The following FOXP2 variants were observed in gnomAD, a reference collection of about 807,000 sequenced individuals.
FOXP2 encodes the protein forkhead box protein P2.
In FOXP2, 12 loss-of-function variants were observed where a neutral mutation model predicts 115.8. The ratio of observed to expected loss-of-function variants is 0.10; its 90% CI spans 0.07 to 0.17. The LOEUF is 0.17. Ranked by LOEUF, FOXP2 falls within the 10% of genes least tolerant of loss-of-function variation. FOXP2 has a pLI of 1.00. For missense variants in FOXP2, 629 were observed against 843.5 expected (o/e 0.75, Z 3.15); for synonymous variants, 328 against 297.7 (o/e 1.10, Z -1.05).
chr7:114,372,629 T>C (rs1792041614), intron 2 of FOXP2, among the ~76,000 whole-genome samples: 1 of 152,242 alleles, frequency 6.6e-6, no homozygotes, highest in Admixed American at 6.5e-5. Context: ...AAGCAACTTC[T>C]CACAAAATTA....
intron 1 of FOXP2, among the ~76,000 whole-genome samples, chr7:114,120,791 T>G (rs1791542741): frequency 6.6e-6 from 1 of 151,984 alleles, no homozygotes; most frequent in African/African-American, 2.4e-5. Context: ...AATTTACATT[T>G]TACAAAGGAA....
At chr7:114,133,250 G>A (rs2129145721) in intron 1 of FOXP2, among the ~76,000 whole-genome samples, 1 of 152,310 alleles carries the variant, frequency 6.6e-6, no homozygotes, top group Non-Finnish European at 1.5e-5. Flanking sequence ...CTTTTTCTGA[G>A]ATGGGTAAGA....
intron 1 of FOXP2, among the ~76,000 whole-genome samples, chr7:114,126,216 A>G (rs918255849): frequency 6.9e-4 from 6 of 8,756 alleles, no homozygotes; most frequent in Non-Finnish European, 4.8e-3. Context: ...TATGGTGTAG[A>G]TGGCACTTGA....
At chr7:114,489,422 A>T (rs1796932637) in intron 2 of FOXP2, among the ~76,000 whole-genome samples, 1 of 152,104 alleles carries the variant, frequency 6.6e-6, no homozygotes. Flanking sequence ...AGTTAGCCAG[A>T]GGTAGTCTGA....
chr7:114,334,937 A>ATATATATATTTTATATATATAGAAATC (rs1797810173), intron 2 of FOXP2, among the ~76,000 whole-genome samples: 5 of 142,082 alleles, frequency 3.5e-5, no homozygotes, highest in African/African-American at 1.0e-4. Flanking sequence ...AAATCTATAT[A>ATATATATATTTTATATATATAGAAATC]TATATATATA....
intron 2 of FOXP2, among the ~76,000 whole-genome samples, chr7:114,324,161 T>C (rs1797498534): frequency 6.6e-6 from 1 of 151,906 alleles, no homozygotes; most frequent in South Asian, 2.1e-4. Flanking sequence ...ATTCTCCCAG[T>C]ACAATGTCTT....
intron 2 of FOXP2, among the ~76,000 whole-genome samples, chr7:114,500,689 C>G (rs905102656): frequency 6.6e-6 from 1 of 152,070 alleles, no homozygotes; most frequent in Admixed American, 6.6e-5. Flanking sequence ...TAATACAGCT[C>G]TTTAGTGGTA....
chr7:114,265,023 G>A (rs898179111), intron 1 of FOXP2, among the ~76,000 whole-genome samples: 2 of 152,074 alleles, frequency 1.3e-5, no homozygotes, highest in African/African-American at 4.8e-5. Flanking sequence ...TGAGATTTGG[G>A]CAGGGCATCC....
At chr7:114,624,686 A>G (rs897455235) in intron 3 of FOXP2, among the ~76,000 whole-genome samples, 3 of 151,748 alleles carry the variant, frequency 2.0e-5, no homozygotes, top group African/African-American at 7.2e-5. Flanking sequence ...CAGAGATATG[A>G]TCTTTGCATT....
At chr7:114,539,930 C>T (rs1251503239) in intron 3 of FOXP2, among the ~76,000 whole-genome samples, 1 of 151,986 alleles carries the variant, frequency 6.6e-6, no homozygotes, top group Admixed American at 6.6e-5. Context: ...TCTTTGGAGC[C>T]TGTTTCCTCA....
chr7:114,341,311 T>C (rs1434640248), intron 2 of FOXP2, among the ~76,000 whole-genome samples: 1 of 151,220 alleles, frequency 6.6e-6, no homozygotes, highest in African/African-American at 2.4e-5. Flanking sequence ...TCGTCTTTAT[T>C]TTTCAGTTGC....
chr7:114,502,816 G>A (rs914029307), intron 2 of FOXP2, among the ~76,000 whole-genome samples: 1 of 151,996 alleles, frequency 6.6e-6, no homozygotes, highest in African/African-American at 2.4e-5. Context: ...TACAGTGGCA[G>A]AAAGTTAATA....
At chr7:114,486,409 T>C (rs1325365544) in intron 2 of FOXP2, among the ~76,000 whole-genome samples, 1 of 152,154 alleles carries the variant, frequency 6.6e-6, no homozygotes, top group East Asian at 1.9e-4. Flanking sequence ...CACTTGGGGA[T>C]TATGGAAGCT....
Position 114,675,905 on chromosome 7 carries a change from T to TATC in FOXP2, c.2003+11471_2003+11472insCAT, listed in dbSNP as rs199965048. On this transcript the variant is annotated intron_variant, in intron 16 of 16. Coordinates refer to ENST00000350908, the MANE Select transcript of FOXP2 (RefSeq NM_014491.4). ...ACACATTTTCTTTATTTTATTTTAT[T>TATC]ATTATTATTATTATTATTTTTTGAG... is the stretch of plus-strand genomic sequence containing the variant. Among the ~76,000 whole-genome samples the TATC allele has an allele frequency of 9.4e-3, 1,422 of 150,758 alleles. 16 individuals carry two copies. The highest frequency in any genetic ancestry group is 0.033 in the African/African-American group (1,344 of 41,348).
At chr7:114,534,118 A>G (rs1166843104) in intron 2 of FOXP2, among the ~76,000 whole-genome samples, 1 of 151,848 alleles carries the variant, frequency 6.6e-6, no homozygotes, top group Non-Finnish European at 1.5e-5. Flanking sequence ...TTGAATTGTA[A>G]GTACAAAAAA....
chr7:114,130,608 A>C (rs1223965867), intron 1 of FOXP2, among the ~76,000 whole-genome samples: 1 of 152,222 alleles, frequency 6.6e-6, no homozygotes, highest in Non-Finnish European at 1.5e-5. Context: ...AGAACATTTA[A>C]ATTCTAGTCA....
intron 2 of FOXP2, among the ~76,000 whole-genome samples, chr7:114,430,313 C>A (rs1794048379): frequency 6.6e-6 from 1 of 151,256 alleles, no homozygotes; most frequent in African/African-American, 2.4e-5. Flanking sequence ...AATGAAATAC[C>A]AAGAATGAAA....
intron 1 of FOXP2, among the ~76,000 whole-genome samples, chr7:114,105,527 A>T (rs1317246794): frequency 6.6e-6 from 1 of 152,052 alleles, no homozygotes; most frequent in Non-Finnish European, 1.5e-5. Flanking sequence ...GGTTGATGCT[A>T]ACTAGTTCAT....
intron 1 of FOXP2, among the ~76,000 whole-genome samples, chr7:114,101,203 G>A (rs187192259): frequency 1.7e-4 from 26 of 152,260 alleles, no homozygotes; most frequent in African/African-American, 5.5e-4. Flanking sequence ...AGTCTTTTAT[G>A]ATGAACTGTA....
Sources: gnomAD v4.1 joint callset for allele counts (sites outside exome capture counted in the v4.1 genomes callset) on GRCh38, gnomAD v4.1.1 for gene constraint, MANE v1.5 for transcripts, NCBI Gene and HGNC (gene_info 2026-07-23, HGNC 2026-07-21) for gene names.